The following CSMD1 variants were observed in gnomAD, a reference collection of about 807,000 sequenced individuals.
The protein encoded by CSMD1 is CUB and Sushi multiple domains 1.
Under a neutral mutation model 417.5 loss-of-function variants are expected in CSMD1, and 213 were observed. The ratio of observed to expected loss-of-function variants is 0.51; its 90% confidence interval spans 0.46 to 0.57. The LOEUF (loss-of-function observed/expected upper bound fraction) is 0.57, where lower values mean the gene tolerates loss of function less well. CSMD1 is among the 20% of genes least tolerant of loss of function. CSMD1 has a pLI of 0.00. For synonymous variants in CSMD1, 2,862 were observed against 1,736.8 expected (o/e 1.65, Z -16.11); for missense variants, 6,923 against 4,529.7 (o/e 1.53, Z -15.17).
chr8:3,988,497 C>T (rs919325639), intron 5 of CSMD1, among the ~76,000 whole-genome samples: 1 of 152,176 alleles, frequency 6.6e-6, no homozygotes, highest in African/African-American at 2.4e-5. Flanking sequence ...AACAGCAGCA[C>T]CAACCAGAGC....
At chr8:3,257,306 A>G (rs565681256) in intron 26 of CSMD1, among the ~76,000 whole-genome samples, 181 of 152,334 alleles carry the variant, frequency 1.2e-3, no homozygotes, top group African/African-American at 4.2e-3. Flanking sequence ...CCCGCGCTAT[A>G]AGAGTGAAAC....
intron 3 of CSMD1, among the ~76,000 whole-genome samples, chr8:4,225,621 C>T (rs1801302942): frequency 6.6e-6 from 1 of 150,910 alleles, no homozygotes. Flanking sequence ...TGTCCATTTT[C>T]CTGTCTGATC....
At chr8:4,691,745 T>TG (rs1469412732) in intron 1 of CSMD1, among the ~76,000 whole-genome samples, 3 of 152,248 alleles carry the variant, frequency 2.0e-5, no homozygotes, top group African/African-American at 7.2e-5. Context: ...ATTGGGAATC[T>TG]GTAGCTATCT....
intron 5 of CSMD1, among the ~76,000 whole-genome samples, chr8:3,762,753 T>A (rs903038236): frequency 1.3e-5 from 2 of 152,150 alleles, no homozygotes; most frequent in Non-Finnish European, 2.9e-5. Flanking sequence ...TCGGCTTGGT[T>A]TATTCCCAGA....
chr8:3,745,931 C>T (rs761709432), intron 6 of CSMD1, among the ~76,000 whole-genome samples: 6 of 152,088 alleles, frequency 3.9e-5, no homozygotes, highest in African/African-American at 9.7e-5. Context: ...AGCAGCAGGC[C>T]GGGGGGAAAG....
intron 37 of CSMD1, among the ~76,000 whole-genome samples, chr8:3,175,503 GCCTGCCTTTTTTCCTTCCTTCCTTCCTT>G (rs1218089737): frequency 1.1e-5 from 1 of 94,650 alleles, no homozygotes; most frequent in Non-Finnish European, 1.9e-5. Context: ...CTGCCTGCCT[GCCTGCCTTTTTTCCTTCCTTCCTTCCTT>G]CCTTCTTCCC....
chr8:3,509,820 T>G (rs1585277098), intron 10 of CSMD1, among the ~76,000 whole-genome samples: 1 of 152,122 alleles, frequency 6.6e-6, no homozygotes, highest in Admixed American at 6.5e-5. Flanking sequence ...ACCAGCCAGG[T>G]GTGAGGCTAG....
intron 1 of CSMD1, among the ~76,000 whole-genome samples, chr8:4,813,207 A>C (rs1156967413): frequency 2.0e-5 from 3 of 152,218 alleles, no homozygotes; most frequent in Non-Finnish European, 4.4e-5. Flanking sequence ...TGGGCTTAGG[A>C]ATATATTCAA....
intron 5 of CSMD1, among the ~76,000 whole-genome samples, chr8:3,829,705 A>C (rs1056233530): frequency 6.6e-6 from 1 of 152,194 alleles, no homozygotes; most frequent in Non-Finnish European, 1.5e-5. Context: ...TATTTGGTTG[A>C]AAATCAGCTT....
At chr8:3,153,938 T>G (rs1352500365) in intron 39 of CSMD1, among the ~76,000 whole-genome samples, 3 of 152,158 alleles carry the variant, frequency 2.0e-5, no homozygotes, top group African/African-American at 7.2e-5. Context: ...AAAACAGAGC[T>G]CCCAAAAGAC....
intron 1 of CSMD1, among the ~76,000 whole-genome samples, chr8:4,662,064 T>C (rs1804642297): frequency 6.6e-6 from 1 of 152,162 alleles, no homozygotes; most frequent in Admixed American, 6.5e-5. Context: ...GTTGAGACAT[T>C]ATATTAAGAT....
At chr8:4,527,079 A>T (rs1362826227) in intron 2 of CSMD1, among the ~76,000 whole-genome samples, 1 of 152,078 alleles carries the variant, frequency 6.6e-6, no homozygotes, top group African/African-American at 2.4e-5. Context: ...CCAAGACATA[A>T]TTTTTTTCAG....
chr8:4,850,888 T>C (rs928864754), intron 1 of CSMD1, among the ~76,000 whole-genome samples: 13 of 151,882 alleles, frequency 8.6e-5, no homozygotes, highest in Admixed American at 2.6e-4. Flanking sequence ...CCTTTATGCA[T>C]TGAAGATTGT....
chr8:4,163,288 T>A (rs1295943420), intron 3 of CSMD1, among the ~76,000 whole-genome samples: 1 of 152,158 alleles, frequency 6.6e-6, no homozygotes, highest in African/African-American at 2.4e-5. Flanking sequence ...AGAGTATGTT[T>A]AGTTTTCTAA....
rs182847514 is a variant in CSMD1 at position 3,032,250 on chromosome 8, G to A, written c.7661-2737C>T. Among the ~76,000 whole-genome samples, 44 of 151,942 alleles carry A rather than the reference G, an allele frequency of 2.9e-4. 1 individual carries two copies. Among genetic ancestry groups the A allele is most frequent in the Admixed American group, 1.1e-3 (17 of 15,234 alleles). Reference sequence around the variant, plus strand: ...TAATATTTTTTAAGAATGATAGGTAGAGAACATACAAAAAAAACTGAGTTT... The same window carrying A: ...TAATATTTTTTAAGAATGATAGGTAAAGAACATACAAAAAAAACTGAGTTT... On this transcript the variant is annotated intron_variant, in intron 50 of 69. Coordinates refer to ENST00000635120, the MANE Select transcript of CSMD1 (RefSeq NM_033225.6).
At chr8:2,967,373 A>C (rs1278651832) in intron 57 of CSMD1, among the ~76,000 whole-genome samples, 1 of 152,200 alleles carries the variant, frequency 6.6e-6, no homozygotes, top group Non-Finnish European at 1.5e-5. Context: ...TTCTCTCAAA[A>C]GGCTCCTAAT....
At chr8:4,036,058 T>A (rs1010189280) in intron 3 of CSMD1, among the ~76,000 whole-genome samples, 1 of 152,242 alleles carries the variant, frequency 6.6e-6, no homozygotes, top group Non-Finnish European at 1.5e-5. Flanking sequence ...ATGTTATAGT[T>A]GCCTACAGTA....
chr8:4,298,026 G>C (rs574017200), intron 3 of CSMD1, among the ~76,000 whole-genome samples: 3 of 152,226 alleles, frequency 2.0e-5, no homozygotes, highest in South Asian at 2.1e-4. Context: ...TCAATAAATT[G>C]ATTTTATATT....
Position 3,142,237 on chromosome 8 carries a change from C to G in CSMD1, c.6241+228G>C, listed in dbSNP as rs527834349. On this transcript the variant is annotated intron_variant, in intron 41 of 69. Transcript: ENST00000635120. Reference sequence around the variant, plus strand: ...CAATTCCCGTCTTGATAAATCGGCTCTGTCTGGGCAGCAGAAAAGGCGAAC... The same window carrying G: ...CAATTCCCGTCTTGATAAATCGGCTGTGTCTGGGCAGCAGAAAAGGCGAAC... Among the ~76,000 whole-genome samples, 10 of 152,302 alleles carry G rather than the reference C, an allele frequency of 6.6e-5. No individual in the cohort carries two copies. The South Asian group carries it at 2.1e-3, about 32-fold the overall frequency.
Sources: gnomAD v4.1 joint callset for allele counts (sites outside exome capture counted in the v4.1 genomes callset) on GRCh38, gnomAD v4.1.1 for gene constraint, MANE v1.5 for transcripts, NCBI Gene and HGNC (gene_info 2026-07-23, HGNC 2026-07-21) for gene names.